PTPRO: variants seen among roughly 807,000 people sequenced by gnomAD.
PTPRO encodes the protein protein tyrosine phosphatase receptor type O.
A neutral mutation model predicts 145.2 loss-of-function variants in PTPRO; 62 were observed. The ratio of observed to expected loss-of-function variants is 0.43; its 90% CI spans 0.35 to 0.53. PTPRO has a LOEUF of 0.53. Among genes scored for constraint, PTPRO ranks in the 20% least tolerant of loss-of-function variants. The pLI is 0.01. For missense variants in PTPRO, 1,345 were observed against 1,482.7 expected (o/e 0.91, Z 1.53); for synonymous variants, 565 against 514.7 (o/e 1.10, Z -1.32).
chr12:15,589,600 T>C lies in PTPRO; in HGVS notation c.3546+10T>C, dbSNP rs200744599. ...TATGGTACAGACAGAGGTAGGAACA[T>C]AATCTATATGTATTTTTAAATTTTC... On this transcript the variant is annotated intron_variant, in intron 25 of 26. Transcript: ENST00000281171. 5.0e-5 allele frequency: 80 copies of C among 1,613,880 alleles called. No individual in the cohort carries two copies. In the East Asian group the frequency reaches 1.5e-3, roughly 30 times the overall value.
chr12:15,390,685 G>C (rs1280110588), intron 1 of PTPRO, among the ~76,000 whole-genome samples: 1 of 152,138 alleles, frequency 6.6e-6, no homozygotes, highest in Non-Finnish European at 1.5e-5. Flanking sequence ...CCCAAAGTGA[G>C]ATACCATAAG....
At chr12:15,424,857 T>G (rs1940240973) in intron 1 of PTPRO, among the ~76,000 whole-genome samples, 1 of 152,132 alleles carries the variant, frequency 6.6e-6, no homozygotes, top group South Asian at 2.1e-4. Flanking sequence ...GAAAGTTAGT[T>G]GGACCCAACT....
At chr12:15,391,542 T>C (rs1939188754) in intron 1 of PTPRO, among the ~76,000 whole-genome samples, 1 of 152,198 alleles carries the variant, frequency 6.6e-6, no homozygotes, top group Non-Finnish European at 1.5e-5. Flanking sequence ...TCACCCCTCA[T>C]GAACACTGCG....
chr12:15,465,800 G>C (rs570060454), intron 1 of PTPRO, among the ~76,000 whole-genome samples: 10 of 152,182 alleles, frequency 6.6e-5, no homozygotes, highest in Non-Finnish European at 1.2e-4. Flanking sequence ...CAGAGAAGTA[G>C]TGTCAGATAA....
chr12:15,507,369 G>T (rs1942342243), intron 6 of PTPRO, among the ~76,000 whole-genome samples: 1 of 151,486 alleles, frequency 6.6e-6, no homozygotes, highest in African/African-American at 2.4e-5. Context: ...GCCTAGATAA[G>T]GCTGCACTCC....
At chr12:15,384,977 T>TTACATTTG (rs1938977179) in intron 1 of PTPRO, among the ~76,000 whole-genome samples, 1 of 152,194 alleles carries the variant, frequency 6.6e-6, no homozygotes, top group South Asian at 2.1e-4. Flanking sequence ...TTCAAAATTG[T>TTACATTTG]TACATTTGTG....
chr12:15,589,634 G>C, intron 25 of PTPRO, 44 bp downstream of exon 25: 1 of 1,607,506 alleles, frequency 6.2e-7, no homozygotes, highest in South Asian at 1.1e-5. Context: ...TCCCTGGACT[G>C]AAAAACTTAC....
chr12:15,434,875 C>T (rs61908013), intron 1 of PTPRO, among the ~76,000 whole-genome samples: 5,347 of 152,258 alleles, frequency 0.035, 273 homozygotes, highest in African/African-American at 0.11. Flanking sequence ...ATACATTATA[C>T]TATATCCATA....
At chr12:15,418,163 T>A (rs1190501619) in intron 1 of PTPRO, among the ~76,000 whole-genome samples, 1 of 151,820 alleles carries the variant, frequency 6.6e-6, no homozygotes, top group Non-Finnish European at 1.5e-5. Flanking sequence ...GCTTGTTACC[T>A]CCTTGTGGAC....
At position 15,341,244 on chromosome 12, in the gene PTPRO, T is replaced by A. The variant is rs140125249; in HGVS notation, c.75+18443T>A. 3.9e-5 allele frequency among the ~76,000 whole-genome samples: 6 copies of A among 152,352 alleles called. No homozygotes were observed. In the East Asian group the frequency reaches 1.2e-3, roughly 29 times the overall value. On this transcript the variant is annotated intron_variant, in intron 1 of 26. Coordinates refer to ENST00000281171, the MANE Select transcript of PTPRO (RefSeq NM_030667.3). ...CAAGGATATGTTATTTTTCCTTTTT[T>A]ATTTTTTAGTTTGTCCATGAGATAT...
At chr12:15,591,881 ATAAT>A (rs1048053087) in intron 25 of PTPRO, among the ~76,000 whole-genome samples, 2 of 152,014 alleles carry the variant, frequency 1.3e-5, no homozygotes, top group African/African-American at 2.4e-5. Flanking sequence ...ACCCCATAAA[ATAAT>A]TAATTAAAAT....
At chr12:15,392,211 A>G (rs1192120048) in intron 1 of PTPRO, among the ~76,000 whole-genome samples, 2 of 152,348 alleles carry the variant, frequency 1.3e-5, no homozygotes, top group Admixed American at 1.3e-4. Context: ...CAATAATGAT[A>G]TTAGCAGTGA....
At chr12:15,464,399 G>A (rs1267125606) in intron 1 of PTPRO, among the ~76,000 whole-genome samples, 1 of 133,504 alleles carries the variant, frequency 7.5e-6, no homozygotes, top group Non-Finnish European at 1.8e-5. Flanking sequence ...CTGTCACCCA[G>A]GCTGGTGTGC....
intron 1 of PTPRO, among the ~76,000 whole-genome samples, chr12:15,446,765 T>C (rs1031182238): frequency 1.3e-5 from 2 of 150,972 alleles, no homozygotes; most frequent in Non-Finnish European, 3.0e-5. Context: ...ATATTAATTT[T>C]TTTATTTATT....
chr12:15,443,702 C>G (rs756422962), intron 1 of PTPRO, among the ~76,000 whole-genome samples: 2 of 151,814 alleles, frequency 1.3e-5, no homozygotes, highest in Non-Finnish European at 2.9e-5. Context: ...AACAGACACG[C>G]CTCAAAAGAA....
chr12:15,590,266 G>A (rs933746977), intron 25 of PTPRO, among the ~76,000 whole-genome samples: 1 of 152,126 alleles, frequency 6.6e-6, no homozygotes, highest in Non-Finnish European at 1.5e-5. Flanking sequence ...CCAAGGCAAC[G>A]CCGGCAGACA....
chr12:15,526,036 C>T, intron 11 of PTPRO, 106 bp from the exon 12 acceptor site: 1 of 1,376,610 alleles, frequency 7.3e-7, no homozygotes, highest in South Asian at 1.2e-5. Flanking sequence ...CAGACTGCTG[C>T]ATAGAACAGA....
chr12:15,527,239 C>CA (rs1942858845), intron 12 of PTPRO, among the ~76,000 whole-genome samples: 1 of 152,188 alleles, frequency 6.6e-6, no homozygotes, highest in Non-Finnish European at 1.5e-5. Context: ...GTAGGAGAAT[C>CA]AGGCTTCCAC....
At chr12:15,556,701 A>G (rs1943636393) in intron 15 of PTPRO, among the ~76,000 whole-genome samples, 1 of 152,208 alleles carries the variant, frequency 6.6e-6, no homozygotes. Context: ...TTGATCCACT[A>G]TCATTGTAGG....
Sources: gnomAD v4.1 joint callset for allele counts (sites outside exome capture counted in the v4.1 genomes callset) on GRCh38, gnomAD v4.1.1 for gene constraint, MANE v1.5 for transcripts, NCBI Gene and HGNC (gene_info 2026-07-23, HGNC 2026-07-21) for gene names.